The following PCDHGA7 variants were observed in gnomAD, a reference collection of about 807,000 sequenced individuals.
The protein encoded by PCDHGA7 is protocadherin gamma-A7.
Under a neutral mutation model 58.3 loss-of-function variants are expected in PCDHGA7, and 44 were observed. That is an observed-to-expected ratio of 0.75 (90% confidence interval 0.59 to 0.97). The LOEUF is 0.97. Ranked by LOEUF, PCDHGA7 falls within the 50% of genes least tolerant of loss-of-function variation. The pLI is 0.00. For synonymous variants in PCDHGA7, 516 were observed against 504.2 expected (o/e 1.02, Z -0.31); for missense variants, 1,266 against 1,188.7 (o/e 1.06, Z -0.96).
intron 1 of PCDHGA7, chr5:141,387,784 T>A (rs2091093181): frequency 6.8e-7 from 1 of 1,472,514 alleles, no homozygotes; most frequent in East Asian, 2.4e-5. Context: ...GAACTGGAAC[T>A]GCAACTAAAG....
chr5:141,410,617 T>A, intron 1 of PCDHGA7: 2 of 1,603,978 alleles, frequency 1.2e-6, no homozygotes, highest in Non-Finnish European at 1.7e-6. Flanking sequence ...AGACTCTGAC[T>A]TCGGTGAGTT....
intron 1 of PCDHGA7, chr5:141,414,744 C>T (rs1381345965): frequency 6.2e-7 from 1 of 1,614,210 alleles, no homozygotes; most frequent in Non-Finnish European, 8.5e-7. Context: ...CACTCAGATC[C>T]TTCGACTATG....
chr5:141,439,531 G>T (rs1474855779), intron 1 of PCDHGA7, among the ~76,000 whole-genome samples: 1 of 152,126 alleles, frequency 6.6e-6, no homozygotes, highest in Non-Finnish European at 1.5e-5. Context: ...TCTACAGAAC[G>T]CTGTCCTCTC....
At chr5:141,499,553 A>T (rs1215178587) in intron 2 of PCDHGA7, among the ~76,000 whole-genome samples, 3 of 152,206 alleles carry the variant, frequency 2.0e-5, no homozygotes, top group African/African-American at 4.8e-5. Context: ...CCTGTATGAT[A>T]CCACTATCCA....
intron 1 of PCDHGA7, chr5:141,398,860 G>C: frequency 6.2e-7 from 1 of 1,614,010 alleles, no homozygotes; most frequent in South Asian, 1.1e-5. Flanking sequence ...ATTCAACCGA[G>C]ACGTGTACAG....
rs765243043 is a variant in PCDHGA7 at position 141,390,219 on chromosome 5, T to C, written c.2424+4896T>C. On this transcript the variant is annotated intron_variant, in intron 1 of 3. Coordinates refer to ENST00000518325, the MANE Select transcript of PCDHGA7 (RefSeq NM_018920.4). ...GTTGAGTTCAGGACAAGACATACTT[T>C]GCGGTGATTCATCTGGGGCCTTATT... 3.1e-6 allele frequency: 5 copies of C among 1,614,066 alleles called. No individual in the cohort carries two copies. In the South Asian group the frequency reaches 5.5e-5, roughly 18 times the overall value.
chr5:141,424,149 G>T, intron 1 of PCDHGA7: 1 of 324,612 alleles, frequency 3.1e-6, no homozygotes. Flanking sequence ...GCTCCCTCTA[G>T]CTCTCCTTCT....
chr5:141,482,429 A>G (rs955366858), intron 1 of PCDHGA7, among the ~76,000 whole-genome samples: 1 of 151,366 alleles, frequency 6.6e-6, no homozygotes, highest in African/African-American at 2.4e-5. Flanking sequence ...AAAAATGATA[A>G]TACTGATATT....
chr5:141,477,275 G>C lies in PCDHGA7; in HGVS notation c.2425-17532G>C, dbSNP rs1241603826. On this transcript the variant is annotated intron_variant, in intron 1 of 3. Transcript: ENST00000518325. This position sits in a 1 kb window ranked among gnomAD's most constrained non-coding sequence, Gnocchi z 4.9. ...CCTGGATGCTGGCGAGAACGGGCTG[G>C]TGACCTGCGAAGTTCCACCGGGTCT... The C allele has an allele frequency of 2.5e-6, 4 of 1,614,198 alleles. No individual in the cohort carries two copies. The South Asian group carries it at 4.4e-5, about 18-fold the overall frequency.
At chr5:141,385,397 A>T (rs1023066700) in intron 1 of PCDHGA7, 74 bp downstream of exon 1, 2 of 1,492,858 alleles carry the variant, frequency 1.3e-6, no homozygotes, top group Non-Finnish European at 1.8e-6. Flanking sequence ...TGCAAAACAA[A>T]TGTTTTGAAA....
chr5:141,455,006 G>A (rs1194194759), intron 1 of PCDHGA7, among the ~76,000 whole-genome samples: 2 of 150,910 alleles, frequency 1.3e-5, no homozygotes, highest in Non-Finnish European at 3.0e-5. Flanking sequence ...TAGAGACGGG[G>A]TTTCACCGTG....
intron 1 of PCDHGA7, chr5:141,422,851 C>A (rs1459531183): frequency 1.2e-6 from 2 of 1,614,122 alleles, no homozygotes; most frequent in African/African-American, 1.3e-5. Flanking sequence ...CGGGGACCCG[C>A]CCCTCAGCAG....
chr5:141,435,855 G>A (rs1164301394), intron 1 of PCDHGA7, among the ~76,000 whole-genome samples: 1 of 152,006 alleles, frequency 6.6e-6, no homozygotes, highest in Non-Finnish European at 1.5e-5. Flanking sequence ...AGATACAATA[G>A]TTAAAACCCA....
chr5:141,489,636 C>A lies in PCDHGA7; in HGVS notation c.2425-5171C>A, dbSNP rs753380268. 3.8e-5 allele frequency: 62 copies of A among 1,614,074 alleles called. No individual in the cohort carries two copies. The highest frequency in any genetic ancestry group is 5.1e-5 in the Non-Finnish European group (60 of 1,180,038). ...TGGATCTCAATGACAACTCTCCTAG[C>A]TTTGCCACCCCTGAGCGAGAGATGC... is the stretch of plus-strand genomic sequence containing the variant. On this transcript the variant is annotated intron_variant, in intron 1 of 3. Coordinates refer to ENST00000518325, the MANE Select transcript of PCDHGA7 (RefSeq NM_018920.4). The surrounding 1 kb of genome is among the most constrained non-coding windows in gnomAD (Gnocchi z 4.5).
rs2099427641 is a variant in PCDHGA7, at chr5:141,477,974, G to T, written c.2425-16833G>T. The T allele has an allele frequency of 1.2e-6, 2 of 1,614,034 alleles. No homozygotes were observed. The highest frequency in any genetic ancestry group is 1.6e-4 in the Middle Eastern group (1 of 6,062). On this transcript the variant is annotated intron_variant, in intron 1 of 3. Transcript: ENST00000518325. This position sits in a 1 kb window ranked among gnomAD's most constrained non-coding sequence, Gnocchi z 4.9. ...GGGATCCCCTAACCAGAGCCTTTTT[G>T]CCATAGGGCTGCACACTGGTCAAAT...
Position 141,486,885 on chromosome 5 carries a change from G to A in PCDHGA7, c.2425-7922G>A, listed in dbSNP as rs139638334. On this transcript the variant is annotated intron_variant, in intron 1 of 3. Transcript: ENST00000518325. The surrounding 1 kb of genome is among the most constrained non-coding windows in gnomAD (Gnocchi z 5.0). ...CCAGCTGTGCTCCGTCCTCGGGCCC[G>A]GCCTGGTTCCTTATGTCCCCAAGCA... is the stretch of plus-strand genomic sequence containing the variant. 16 of 1,614,076 alleles carry A rather than the reference G, an allele frequency of 9.9e-6. No individual in the cohort carries two copies. The highest frequency in any genetic ancestry group is 1.6e-4 in the Middle Eastern group (1 of 6,084).
At chr5:141,500,360 T>C (rs1224064939) in intron 2 of PCDHGA7, among the ~76,000 whole-genome samples, 1 of 151,664 alleles carries the variant, frequency 6.6e-6, no homozygotes, top group Non-Finnish European at 1.5e-5. Context: ...AGGCGCCCAC[T>C]ACCACGCCCG....
intron 1 of PCDHGA7, chr5:141,408,089 G>C: frequency 7.0e-7 from 1 of 1,424,386 alleles, no homozygotes; most frequent in Non-Finnish European, 9.2e-7. Flanking sequence ...ACAGCGGATT[G>C]CCAGCTCCGA....
At chr5:141,415,524 C>G in intron 1 of PCDHGA7, 1 of 1,614,154 alleles carries the variant, frequency 6.2e-7, no homozygotes, top group Non-Finnish European at 8.5e-7. Context: ...CGGACACGCT[C>G]ATCAGCCAGG....
Sources: allele counts gnomAD v4.1 joint callset (sites outside exome capture counted in the v4.1 genomes callset), GRCh38; gene constraint gnomAD v4.1.1; non-coding constraint Gnocchi (gnomAD v3.1); transcripts MANE v1.5; gene names NCBI Gene and HGNC (gene_info 2026-07-23, HGNC 2026-07-21).